MEFV: variants seen among roughly 807,000 people sequenced by gnomAD.
The protein encoded by MEFV is pyrin.
In MEFV, 60 loss-of-function variants were observed where a neutral mutation model predicts 62.5. The observed-to-expected ratio is 0.96, with a 90% confidence interval of 0.78 to 1.19. The LOEUF (loss-of-function observed/expected upper bound fraction) is 1.19. MEFV is among the 50% of genes most tolerant of loss of function. The pLI is 0.00. For missense variants in MEFV, 1,169 were observed against 1,004.5 expected (o/e 1.16, Z -2.21); for synonymous variants, 500 against 415.2 (o/e 1.20, Z -2.48).
chr16:3,253,512 T>C (rs1959068246), intron 2 of MEFV, among the ~76,000 whole-genome samples: 1 of 152,146 alleles, frequency 6.6e-6, no homozygotes, highest in African/African-American at 2.4e-5. Context: ...TTTCTTTTTT[T>C]TTCCCCCCAA....
chr16:3,243,824 C>G (rs1468410559), intron 9 of MEFV, 36 bp downstream of exon 9: 8 of 1,611,298 alleles, frequency 5.0e-6, no homozygotes, highest in African/African-American at 1.3e-5. Context: ...AGGGATCCAG[C>G]AGGCCAGGGC....
Position 3,254,411 on chromosome 16 carries a change from GC to G in MEFV, c.656del (p.Gly219AlafsTer43). On this transcript the variant is annotated frameshift_variant, in exon 2 of 10. Transcript: ENST00000219596. LOFTEE classifies it high-confidence loss of function. ...GCCTGCACTCCTTCTGCCCCGGGGC[GC>G]CCCCCGCCAGCCCCTGCAGCCTCCC... The part of the protein sequence containing the change: ...SAGRLQGLAG[G>X]APGQKECRPF... 1 of 1,608,576 alleles carries G rather than the reference GC, an allele frequency of 6.2e-7. No individual in the cohort carries two copies. Among genetic ancestry groups the G allele is most frequent in the South Asian group, 1.1e-5 (1 of 90,834 alleles).
chr16:3,254,542 G>A lies in MEFV; in HGVS notation c.526C>T (p.Arg176Trp). The A allele has an allele frequency of 6.4e-7, 1 of 1,556,186 alleles. No individual in the cohort carries two copies. Among genetic ancestry groups the A allele is most frequent in the East Asian group, 2.4e-5 (1 of 42,110 alleles). ...CCCGGCAGGGCCGGGCTCCGGGTCC[G>A]AGGCTTGCCCTGCGCGTCCAGGCCC... ...SEGLDAQGKP[R>W]TRSPALPGGR... The change falls in exon 2 of 10, where the codon CGG (arginine) becomes TGG (tryptophan). Residue 176 changes from arginine (R) to tryptophan (W), a missense_variant. Arg to Trp is a moderately radical substitution (Grantham distance 101, BLOSUM62 -3). Coordinates refer to ENST00000219596, the MANE Select transcript of MEFV (RefSeq NM_000243.3).
intron 1 of MEFV, 62 bp from the exon 2 acceptor site, chr16:3,254,852 G>A (rs1216003735): frequency 1.9e-6 from 3 of 1,601,946 alleles, no homozygotes; most frequent in South Asian, 1.1e-5. Flanking sequence ...CAAGATTCAG[G>A]GCAGAGGAGA....
At chr16:3,255,498 A>G (rs1661015191) in intron 1 of MEFV, among the ~76,000 whole-genome samples, 1 of 151,880 alleles carries the variant, frequency 6.6e-6, no homozygotes, top group Non-Finnish European at 1.5e-5. Flanking sequence ...GGCTCAAGCA[A>G]TCCTCTCACC....
At chr16:3,255,285 C>G (rs1202193532) in intron 1 of MEFV, among the ~76,000 whole-genome samples, 2 of 152,112 alleles carry the variant, frequency 1.3e-5, no homozygotes, top group African/African-American at 4.8e-5. Flanking sequence ...CCACTGCACT[C>G]CAGCCTGAGT....
intron 2 of MEFV, among the ~76,000 whole-genome samples, chr16:3,253,560 C>T (rs975551474): frequency 6.6e-6 from 1 of 152,182 alleles, no homozygotes; most frequent in African/African-American, 2.4e-5. Context: ...GTTGCCCAGG[C>T]CGGAGTGCAG....
Position 3,256,464 on chromosome 16 carries a change from G to T in MEFV, c.124C>A (p.Arg42=), listed in dbSNP as rs61754767. The change falls in exon 1 of 10, where the codon CGG becomes AGG. Residue 42 remains arginine, a synonymous_variant. Transcript: ENST00000219596. ...GGCCTGGCTCTCTGGATCTGGCTCCGGGGGATCCTGGAGTGCTCCTTCTGC... is the reference window on the plus strand; with the variant it reads ...GGCCTGGCTCTCTGGATCTGGCTCCTGGGGATCCTGGAGTGCTCCTTCTGC... ...SVQKEHSRIP[R]SQIQRARPVK... 6.2e-7 allele frequency: 1 copy of T among 1,614,170 alleles called. No homozygotes were observed. Among genetic ancestry groups the T allele is most frequent in the Non-Finnish European group, 8.5e-7 (1 of 1,180,036 alleles).
rs112237156 is a variant in MEFV at position 3,245,642 on chromosome 16, A to G, written c.1610+883T>C. 5.5e-3 allele frequency among the ~76,000 whole-genome samples: 832 copies of G among 151,432 alleles called. 1 individual carries two copies. The highest frequency in any genetic ancestry group is 0.017 in the African/African-American group (684 of 41,358). ...GAGCAAGACGCTGTCTTCAAAAAAA[A>G]AGAGAGAGAGAGAGAGTGAAACAGA... On this transcript the variant is annotated intron_variant, in intron 6 of 9. Coordinates refer to ENST00000219596, the MANE Select transcript of MEFV (RefSeq NM_000243.3).
Position 3,242,714 on chromosome 16 carries a change from A to G in MEFV, c.*427T>C, listed in dbSNP as rs190183188. The G allele has an allele frequency of 2.0e-3, 462 of 235,204 alleles. 4 individuals carry two copies. The highest frequency in any genetic ancestry group is 0.01 in the African/African-American group (440 of 43,818). The allele number at this position is 235,204 out of a possible 1,614,324, so 14.6% of individuals were successfully genotyped here. ...AATCATAGTTCATTAATCCAGGTAC[A>G]CAAATACTTCTATCCCAATCCAGTC... On this transcript the variant is annotated 3_prime_UTR_variant, in exon 10 of 10. Transcript: ENST00000219596.
intron 2 of MEFV, 34 bp downstream of exon 2, chr16:3,254,124 C>A: frequency 6.2e-7 from 1 of 1,609,794 alleles, no homozygotes; most frequent in Non-Finnish European, 8.5e-7. Flanking sequence ...TCTTTCTCTG[C>A]AGCCGATATA....
rs867345048 is a variant in MEFV at position 3,249,777 on chromosome 16, C to T, written c.914G>A (p.Arg305Lys). ...PGNPEHSVTGRPPDTAASPRC... is the reference protein window; with the variant it reads ...PGNPEHSVTGKPPDTAASPRC... ...GGGACTCGCAGCCGTGTCTGGTGGC[C>T]TTCCTGGGGACATGCAGTGGAAAAA... is the stretch of plus-strand genomic sequence containing the variant. Residue 305 changes from arginine (R) to lysine (K), a missense_variant, in exon 3 of 10, where the codon AGG becomes AAG. Physicochemically the swap from Arg to Lys is conservative, Grantham distance 26. Transcript: ENST00000219596. 2 of 1,613,716 alleles carry T rather than the reference C, an allele frequency of 1.2e-6. No homozygotes were observed. The highest frequency in any genetic ancestry group is 1.7e-6 in the Non-Finnish European group (2 of 1,179,818).
At chr16:3,251,051 T>C (rs1223407176) in intron 2 of MEFV, among the ~76,000 whole-genome samples, 1 of 121,296 alleles carries the variant, frequency 8.2e-6, no homozygotes, top group Non-Finnish European at 1.8e-5. Context: ...AAAAAAGAAA[T>C]AGAAACACAC....
chr16:3,255,707 AG>A (rs1236225545), intron 1 of MEFV, among the ~76,000 whole-genome samples: 2 of 152,094 alleles, frequency 1.3e-5, no homozygotes, highest in Non-Finnish European at 2.9e-5. Flanking sequence ...CACCATGCCT[AG>A]CCTATATTTC....
chr16:3,249,562 G>A lies in MEFV; in HGVS notation c.1129C>T (p.Arg377Cys), dbSNP rs896909303. 8.7e-6 allele frequency: 14 copies of A among 1,614,224 alleles called. No homozygotes were observed. The highest frequency in any genetic ancestry group is 5.3e-5 in the African/African-American group (4 of 75,066). Residue 377 changes from arginine (R) to cysteine (C), a missense_variant, in exon 3 of 10, where the codon CGC becomes TGC. Coordinates refer to ENST00000219596, the MANE Select transcript of MEFV (RefSeq NM_000243.3). The part of the protein sequence containing the change: ...LSPQPLPQCK[R>C]HLKQVQLLFC... ...AGCAGCTGGACCTGCTTCAGGTGGC[G>A]CTTACACTGTGGCAGGGGCTGGGGG...
rs1024238168 is a variant in MEFV, at chr16:3,253,054, G to A, written c.910+1104C>T. ...TAGCCTCGGTACCCTCTAAACTGGT[G>A]GCATTTTTCTTTTACAGTTTTTTTT... On this transcript the variant is annotated intron_variant, in intron 2 of 9. Coordinates refer to ENST00000219596, the MANE Select transcript of MEFV (RefSeq NM_000243.3). Among the ~76,000 whole-genome samples the A allele has an allele frequency of 8.6e-5, 13 of 151,446 alleles. No homozygotes were observed. The East Asian group carries it at 1.9e-3, about 23-fold the overall frequency.
At position 3,254,447 on chromosome 16, in the gene MEFV, G is replaced by A. The variant is rs767667206; in HGVS notation, c.621C>T (p.Ala207=). 1.8e-5 allele frequency: 29 copies of A among 1,609,340 alleles called. No individual in the cohort carries two copies. The highest frequency in any genetic ancestry group is 2.2e-5 in the East Asian group (1 of 44,810). The change falls in exon 2 of 10, where the codon GCC becomes GCT. Residue 207 remains alanine, a synonymous_variant. Coordinates refer to ENST00000219596, the MANE Select transcript of MEFV (RefSeq NM_000243.3). ...GCCCCTGCAGCCTCCCCGCGGAGCTGGCGTTTCTGCGCAGCCGGACCTCGG... is the reference window on the plus strand; with the variant it reads ...GCCCCTGCAGCCTCCCCGCGGAGCTAGCGTTTCTGCGCAGCCGGACCTCGG... ...GQAEVRLRRN[A]SSAGRLQGLA...
chr16:3,254,066 C>A lies in MEFV; in HGVS notation c.910+92G>T, dbSNP rs113591325. The A allele has an allele frequency of 5.0e-4, 728 of 1,464,392 alleles. 4 individuals are homozygous for A. The African/African-American group carries it at 7.5e-3, about 15-fold the overall frequency. The allele number at this position is 1,464,392 out of a possible 1,614,324, so 90.7% of individuals were successfully genotyped here. A position where few individuals can be genotyped will look rare whatever the true frequency, so the allele number is the denominator to read the frequency against. Reference sequence around the variant, plus strand: ...CCAGCAATCCTCCCGCCCTGGCCTCCCAAAGCGCTGGGATTACAGGCATGA... The same window carrying A: ...CCAGCAATCCTCCCGCCCTGGCCTCACAAAGCGCTGGGATTACAGGCATGA... On this transcript the variant is annotated intron_variant, in intron 2 of 9. Coordinates refer to ENST00000219596, the MANE Select transcript of MEFV (RefSeq NM_000243.3).
At chr16:3,244,048 G>A (rs1248128205) in intron 8 of MEFV, 156 bp from the exon 9 acceptor site, 1 of 1,551,842 alleles carries the variant, frequency 6.4e-7, no homozygotes, top group African/African-American at 1.4e-5. Flanking sequence ...AGGAACCCAG[G>A]CCATGTTGGG....
Sources: gnomAD v4.1 joint callset for allele counts (sites outside exome capture counted in the v4.1 genomes callset) on GRCh38, gnomAD v4.1.1 for gene constraint, MANE v1.5 for transcripts, NCBI Gene and HGNC (gene_info 2026-07-23, HGNC 2026-07-21) for gene names.